The following MED13L variants were observed in gnomAD, a reference collection of about 807,000 sequenced individuals.
MED13L encodes the protein mediator of RNA polymerase II transcription subunit 13-like.
In MED13L, 7 loss-of-function variants were observed where a neutral mutation model predicts 220.9. The observed-to-expected ratio is 0.03, with a 90% CI of 0.02 to 0.06. The LOEUF (loss-of-function observed/expected upper bound fraction) is 0.06, where lower values mean the gene tolerates loss of function less well. Ranked by LOEUF, MED13L falls within the 10% of genes least tolerant of loss-of-function variation. The pLI, the probability that MED13L is intolerant of heterozygous loss-of-function variation, is 1.00. For missense variants in MED13L, 1,965 were observed against 2,760.5 expected (o/e 0.71, Z 6.46); for synonymous variants, 1,011 against 1,015.2 (o/e 1.00, Z 0.08).
intron 1 of MED13L, among the ~76,000 whole-genome samples, chr12:116,247,758 T>C (rs1228522949): frequency 1.3e-5 from 2 of 152,230 alleles, no homozygotes; most frequent in African/African-American, 4.8e-5. Flanking sequence ...GTCATTTTCT[T>C]TTCACTGCTC....
intron 1 of MED13L, among the ~76,000 whole-genome samples, chr12:116,263,266 G>A (rs773471979): frequency 6.7e-6 from 1 of 149,800 alleles, no homozygotes; most frequent in Non-Finnish European, 1.5e-5. Flanking sequence ...CTTTTATTAT[G>A]TAAAAAAAAC....
At chr12:116,153,461 G>C (rs1444622853) in intron 2 of MED13L, among the ~76,000 whole-genome samples, 1 of 152,146 alleles carries the variant, frequency 6.6e-6, no homozygotes, top group Non-Finnish European at 1.5e-5. Context: ...GAAGGGAGCA[G>C]GAAGCAATCA....
chr12:116,080,581 A>T (rs892730694), intron 4 of MED13L, among the ~76,000 whole-genome samples: 2 of 152,186 alleles, frequency 1.3e-5, no homozygotes, highest in Non-Finnish European at 2.9e-5. Flanking sequence ...GAACATGCAA[A>T]CTACTAGCTC....
At chr12:116,034,032 C>T (rs926621762) in intron 4 of MED13L, among the ~76,000 whole-genome samples, 3 of 151,950 alleles carry the variant, frequency 2.0e-5, no homozygotes, top group Non-Finnish European at 4.4e-5. Flanking sequence ...GTTCTGCTTG[C>T]GTTGATGTTT....
At chr12:116,145,181 C>T (rs1877372866) in intron 2 of MED13L, among the ~76,000 whole-genome samples, 1 of 152,178 alleles carries the variant, frequency 6.6e-6, no homozygotes. Flanking sequence ...TAAGGCAATG[C>T]CAATGTCAAC....
rs1320731612 is a variant in MED13L, at chr12:116,181,828, A to G, written c.310+55640T>C. On this transcript the variant is annotated intron_variant, in intron 2 of 30. Transcript: ENST00000281928. The stretch of plus-strand genomic sequence containing the variant: ...TCATGAATCAAAGTTTTAACTAATG[A>G]TTGTGAGCTGCAACAAAATGGGAGA... Among the ~76,000 whole-genome samples the G allele has an allele frequency of 2.6e-5, 4 of 152,192 alleles. No individual in the cohort carries two copies. In the East Asian group the frequency reaches 7.7e-4, roughly 29 times the overall value.
chr12:116,133,425 T>C (rs542321357), intron 2 of MED13L, among the ~76,000 whole-genome samples: 1 of 151,894 alleles, frequency 6.6e-6, no homozygotes, highest in Non-Finnish European at 1.5e-5. Flanking sequence ...AAGAGCTCAA[T>C]TCAGCATGAC....
Position 116,063,626 on chromosome 12 carries a change from G to C in MED13L, c.479+33043C>G, listed in dbSNP as rs16946518. On this transcript the variant is annotated intron_variant, in intron 4 of 30. Transcript: ENST00000281928. ...TGTACCTCCAAAACTGACTCTCACT[G>C]ACCTAGATAAATGGTTATTATAAGC... Among the ~76,000 whole-genome samples the C allele has an allele frequency of 2.2e-3, 341 of 152,226 alleles. 1 individual carries two copies. The highest frequency in any genetic ancestry group is 7.1e-3 in the African/African-American group (294 of 41,532).
intron 2 of MED13L, among the ~76,000 whole-genome samples, chr12:116,232,861 C>T (rs558519075): frequency 3.3e-5 from 5 of 151,992 alleles, no homozygotes; most frequent in Non-Finnish European, 7.4e-5. Context: ...CCGAGGCGGG[C>T]GGATCGATTG....
chr12:116,194,228 C>G (rs1881472082), intron 2 of MED13L, among the ~76,000 whole-genome samples: 1 of 151,944 alleles, frequency 6.6e-6, no homozygotes, highest in Non-Finnish European at 1.5e-5. Flanking sequence ...TGCAATGGTG[C>G]AACCTCGGCT....
chr12:116,222,974 C>A (rs927913938), intron 2 of MED13L, among the ~76,000 whole-genome samples: 2 of 152,204 alleles, frequency 1.3e-5, no homozygotes, highest in African/African-American at 4.8e-5. Context: ...GTAATTAACT[C>A]AGGATTCCAG....
Position 116,157,533 on chromosome 12 carries a change from T to C in MED13L, c.311-46021A>G, listed in dbSNP as rs116356066. On this transcript the variant is annotated intron_variant, in intron 2 of 30. Coordinates refer to ENST00000281928, the MANE Select transcript of MED13L (RefSeq NM_015335.5). ...GTCTATCAGTAGTATACTACTCCTT[T>C]CTTTGGCAACGGTTTTGTCTAAGTC... Among the ~76,000 whole-genome samples, 252 of 152,334 alleles carry C rather than the reference T, an allele frequency of 1.7e-3. 1 individual carries two copies. Among genetic ancestry groups the C allele is most frequent in the African/African-American group, 5.7e-3 (238 of 41,582 alleles).
At chr12:116,211,387 C>T (rs1378583334) in intron 2 of MED13L, among the ~76,000 whole-genome samples, 1 of 151,938 alleles carries the variant, frequency 6.6e-6, no homozygotes, top group East Asian at 1.9e-4. Flanking sequence ...AGTCAAAGTC[C>T]CTGTCATTTT....
intron 7 of MED13L, among the ~76,000 whole-genome samples, chr12:116,015,551 C>A (rs1459926160): frequency 6.6e-6 from 1 of 152,106 alleles, no homozygotes; most frequent in African/African-American, 2.4e-5. Context: ...CACACACATA[C>A]ATAGGCACTC....
intron 4 of MED13L, among the ~76,000 whole-genome samples, chr12:116,083,581 G>A (rs1427159944): frequency 6.6e-6 from 1 of 152,106 alleles, no homozygotes; most frequent in African/African-American, 2.4e-5. Context: ...TGAAACTTCT[G>A]TCATTTATTT....
At chr12:116,092,476 T>C (rs1269699799) in intron 4 of MED13L, among the ~76,000 whole-genome samples, 1 of 152,120 alleles carries the variant, frequency 6.6e-6, no homozygotes, top group Non-Finnish European at 1.5e-5. Flanking sequence ...CAGGTTGTTA[T>C]CTTTGAGGAG....
At chr12:116,060,580 A>G (rs1029476707) in intron 4 of MED13L, among the ~76,000 whole-genome samples, 15 of 133,964 alleles carry the variant, frequency 1.1e-4, no homozygotes, top group South Asian at 2.3e-4. Context: ...ACTCCAAGGG[A>G]AAAAAAAAAA....
intron 3 of MED13L, among the ~76,000 whole-genome samples, chr12:116,101,404 CA>C (rs1873054942): frequency 6.6e-6 from 1 of 152,102 alleles, no homozygotes; most frequent in South Asian, 2.1e-4. Flanking sequence ...TGCCATATAC[CA>C]AGGAGTATTT....
rs7975327 is a variant in MED13L, at chr12:116,142,636, C to T, written c.311-31124G>A. Among the ~76,000 whole-genome samples the T allele has an allele frequency of 4.7e-3, 719 of 152,000 alleles. 2 individuals are homozygous for T. Among genetic ancestry groups the T allele is most frequent in the African/African-American group, 0.017 (688 of 41,460 alleles). ...CGGGGTGGCAGAGGTTGCAGCAGGC[C>T]GATATTGCGCCACAGCACTCCAGCC... On this transcript the variant is annotated intron_variant, in intron 2 of 30. Coordinates refer to ENST00000281928, the MANE Select transcript of MED13L (RefSeq NM_015335.5).
Sources: allele counts gnomAD v4.1 joint callset (sites outside exome capture counted in the v4.1 genomes callset), GRCh38; gene constraint gnomAD v4.1.1; transcripts MANE v1.5; gene names NCBI Gene and HGNC (gene_info 2026-07-23, HGNC 2026-07-21).